The following ADAMTS19 variants were observed in gnomAD, a reference collection of about 807,000 sequenced individuals.
The protein encoded by ADAMTS19 is A disintegrin and metalloproteinase with thrombospondin motifs 19.
ADAMTS19 carries 93 observed loss-of-function variants against 153.3 expected under a neutral mutation model. The observed-to-expected ratio is 0.61, with a 90% CI of 0.51 to 0.72. ADAMTS19 has a LOEUF of 0.72. ADAMTS19 is among the 30% of genes least tolerant of loss of function. ADAMTS19 has a pLI of 0.00. For missense variants in ADAMTS19, 1,482 were observed against 1,552.1 expected, an observed-to-expected ratio of 0.95 and a Z score of 0.76; for synonymous variants, 600 against 556.6, an observed-to-expected ratio of 1.08 and a Z score of -1.10.
chr5:129,613,879 A>G (rs1278635156), intron 8 of ADAMTS19, among the ~76,000 whole-genome samples: 5 of 152,220 alleles, frequency 3.3e-5, no homozygotes, highest in Non-Finnish European at 7.3e-5. Context: ...ACAGAAATAC[A>G]AACTACCATC....
intron 2 of ADAMTS19, among the ~76,000 whole-genome samples, chr5:129,474,759 G>A (rs529002114): frequency 3.9e-5 from 6 of 152,208 alleles, no homozygotes; most frequent in Admixed American, 1.3e-4. Flanking sequence ...TTGTGCCTCT[G>A]TTGTCTCTTT....
At chr5:129,691,185 G>C (rs1166269704) in intron 18 of ADAMTS19, among the ~76,000 whole-genome samples, 2 of 152,180 alleles carry the variant, frequency 1.3e-5, no homozygotes, top group Admixed American at 1.3e-4. Flanking sequence ...AAAGCACAAA[G>C]AGTTAGTAAA....
intron 10 of ADAMTS19, among the ~76,000 whole-genome samples, chr5:129,636,855 G>A (rs573262531): frequency 1.4e-4 from 21 of 152,058 alleles, no homozygotes; most frequent in Non-Finnish European, 2.4e-4. Context: ...TTGCTTTTCC[G>A]TCCTTTCTTA....
chr5:129,475,725 C>T (rs1750203274), intron 2 of ADAMTS19, among the ~76,000 whole-genome samples: 1 of 152,110 alleles, frequency 6.6e-6, no homozygotes, highest in South Asian at 2.1e-4. Flanking sequence ...CCCAGCTACT[C>T]AGGAGACTCA....
intron 2 of ADAMTS19, among the ~76,000 whole-genome samples, chr5:129,500,900 C>T (rs548903755): frequency 6.6e-6 from 1 of 152,146 alleles, no homozygotes; most frequent in East Asian, 1.9e-4. Context: ...AAAAAACACA[C>T]AAAGATCGCA....
chr5:129,646,772 G>T (rs1452826176), intron 11 of ADAMTS19, among the ~76,000 whole-genome samples: 3 of 152,134 alleles, frequency 2.0e-5, no homozygotes, highest in Admixed American at 2.0e-4. Context: ...AAGTGTAGAA[G>T]TTCATTTAGG....
At chr5:129,646,673 AT>A (rs2127037028) in intron 11 of ADAMTS19, among the ~76,000 whole-genome samples, 1 of 152,230 alleles carries the variant, frequency 6.6e-6, no homozygotes, top group South Asian at 2.1e-4. Context: ...GGTAACTATG[AT>A]TATCATTCAC....
Position 129,701,595 on chromosome 5 carries a change from G to T in ADAMTS19, c.3159+3G>T, listed in dbSNP as rs574159871. 6.2e-7 allele frequency: 1 copy of T among 1,613,770 alleles called. No individual in the cohort carries two copies. The highest frequency in any genetic ancestry group is 1.1e-5 in the South Asian group (1 of 91,038). On this transcript the variant is annotated splice_donor_region_variant and intron_variant, in intron 20 of 22. Transcript: ENST00000274487. ...GGGAGGCGGGAGTGTGGTCTGAGGT[G>T]CATACATGCCCCCTTTCTTTCCCCA... is the stretch of plus-strand genomic sequence containing the variant.
chr5:129,645,366 G>A (rs1364736847), intron 11 of ADAMTS19, among the ~76,000 whole-genome samples: 2 of 152,090 alleles, frequency 1.3e-5, no homozygotes, highest in Admixed American at 6.5e-5. Flanking sequence ...ATAACATATT[G>A]TATAATAGTT....
At chr5:129,669,706 T>TA (rs931335347) in intron 16 of ADAMTS19, among the ~76,000 whole-genome samples, 1 of 152,108 alleles carries the variant, frequency 6.6e-6, no homozygotes, top group Non-Finnish European at 1.5e-5. Flanking sequence ...TATAAGAGTT[T>TA]ATAGGTATAC....
intron 2 of ADAMTS19, among the ~76,000 whole-genome samples, chr5:129,485,335 G>A (rs1325362564): frequency 1.3e-5 from 2 of 152,016 alleles, no homozygotes; most frequent in Non-Finnish European, 2.9e-5. Context: ...TAAACATGTG[G>A]GATGCAGCTA....
At chr5:129,512,808 C>G (rs1283898232) in intron 3 of ADAMTS19, among the ~76,000 whole-genome samples, 2 of 151,990 alleles carry the variant, frequency 1.3e-5, no homozygotes, top group Non-Finnish European at 2.9e-5. Flanking sequence ...ATAAACTATC[C>G]TCCTTTTACA....
chr5:129,641,037 G>A (rs1048458479), intron 10 of ADAMTS19, among the ~76,000 whole-genome samples: 4 of 151,970 alleles, frequency 2.6e-5, no homozygotes, highest in Admixed American at 6.6e-5. Context: ...TCATATTTCT[G>A]TACAATTGTT....
chr5:129,585,897 G>C (rs1356181393), intron 7 of ADAMTS19, among the ~76,000 whole-genome samples: 1 of 151,990 alleles, frequency 6.6e-6, no homozygotes, highest in Non-Finnish European at 1.5e-5. Flanking sequence ...TTTCTCCTGG[G>C]CACTTTTAAG....
intron 3 of ADAMTS19, among the ~76,000 whole-genome samples, chr5:129,517,687 G>A (rs985625334): frequency 1.3e-5 from 2 of 151,870 alleles, no homozygotes; most frequent in Non-Finnish European, 2.9e-5. Flanking sequence ...TATAGGTGAA[G>A]TGTGTTTCTT....
chr5:129,618,707 A>C (rs1202052140), intron 8 of ADAMTS19, among the ~76,000 whole-genome samples: 1 of 151,946 alleles, frequency 6.6e-6, no homozygotes, highest in Non-Finnish European at 1.5e-5. Context: ...ATTCTTGTGA[A>C]TTTTTCATTA....
In ADAMTS19 at chr5:129,661,763, C is replaced by G. The variant is rs368608900; in HGVS notation, c.2425+3026C>G. 1.6e-4 allele frequency among the ~76,000 whole-genome samples: 24 copies of G among 152,144 alleles called. No homozygotes were observed. In the East Asian group the frequency reaches 2.5e-3, roughly 16 times the overall value. On this transcript the variant is annotated intron_variant, in intron 15 of 22. Coordinates refer to ENST00000274487, the MANE Select transcript of ADAMTS19 (RefSeq NM_133638.6). ...CCAGTTGTTGAAATGCATAGTTAAC[C>G]AGTAAATACTAAGAAGAAAATGGGC...
chr5:129,610,327 A>T (rs909229787), intron 8 of ADAMTS19, among the ~76,000 whole-genome samples: 1 of 152,096 alleles, frequency 6.6e-6, no homozygotes, highest in Non-Finnish European at 1.5e-5. Context: ...TCTAGGGTAC[A>T]TGTGCACAAT....
intron 6 of ADAMTS19, among the ~76,000 whole-genome samples, chr5:129,531,300 C>G (rs1204645528): frequency 6.6e-6 from 1 of 151,968 alleles, no homozygotes; most frequent in African/African-American, 2.4e-5. Context: ...AGGCAGAGGA[C>G]CTAGAAGAAT....
Sources: allele counts gnomAD v4.1 joint callset (sites outside exome capture counted in the v4.1 genomes callset), GRCh38; gene constraint gnomAD v4.1.1; transcripts MANE v1.5; gene names NCBI Gene and HGNC (gene_info 2026-07-23, HGNC 2026-07-21).